The following PSMC3 variants were observed in gnomAD, a reference collection of about 807,000 sequenced individuals.
PSMC3 encodes the protein proteasome 26S subunit, ATPase 3.
Under a neutral mutation model 52.0 loss-of-function variants are expected in PSMC3, and 11 were observed. The observed-to-expected ratio is 0.21, with a 90% CI of 0.13 to 0.35. The LOEUF (loss-of-function observed/expected upper bound fraction) is 0.35. Among genes scored for constraint, PSMC3 ranks in the 10% least tolerant of loss-of-function variants. The probability of loss-of-function intolerance (pLI) is 1.00; values close to 1 mark genes in which losing one functional copy is unlikely to be tolerated. For missense variants in PSMC3, 238 were observed against 567.1 expected, an observed-to-expected ratio of 0.42 and a Z score of 5.89; for synonymous variants, 201 against 218.8, an observed-to-expected ratio of 0.92 and a Z score of 0.72.
intron 3 of PSMC3, 106 bp downstream of exon 3, chr11:47,425,015 G>C (rs2153304150): frequency 1.3e-6 from 2 of 1,498,526 alleles, no homozygotes; most frequent in Non-Finnish European, 1.8e-6. Flanking sequence ...GCTCTGACAT[G>C]CAGTTTGGCC....
chr11:47,419,691 C>T (rs924117818), intron 10 of PSMC3, among the ~76,000 whole-genome samples: 1 of 152,050 alleles, frequency 6.6e-6, no homozygotes, highest in Non-Finnish European at 1.5e-5. Flanking sequence ...AACCTCGTCT[C>T]TACTAAAAAT....
chr11:47,421,347 AC>A (rs2096040254), intron 8 of PSMC3, among the ~76,000 whole-genome samples: 2 of 151,958 alleles, frequency 1.3e-5, no homozygotes. Context: ...ACGCTTAAAA[AC>A]ACAGGTATCT....
Position 47,418,892 on chromosome 11 carries a change from C to T in PSMC3, c.1263G>A (p.Met421Ile), listed in dbSNP as rs1210231658. 1 of 1,614,214 alleles carries T rather than the reference C, an allele frequency of 6.2e-7. No homozygotes were observed. The highest frequency in any genetic ancestry group is 8.5e-7 in the Non-Finnish European group (1 of 1,180,022). The change falls in exon 12 of 12, where the codon ATG becomes ATA. Residue 421 changes from methionine to isoleucine, a missense_variant. Physicochemically the swap from Met to Ile is conservative, Grantham distance 10. Around this residue, in one of 6 missense-constraint regions of PSMC3, gnomAD observed 23 missense variants for 64.6 expected, o/e 0.36. Coordinates refer to ENST00000298852, the MANE Select transcript of PSMC3 (RefSeq NM_002804.5). ...GATELTHEDY[M>I]EGILEVQAKK... The stretch of plus-strand genomic sequence containing the variant: ...TGGCCTGCACCTCCAGGATGCCTTC[C>T]ATGTAGTCCTCGTGGGTGAGCTCCG...
chr11:47,423,184 G>A (rs1056462945), intron 6 of PSMC3, among the ~76,000 whole-genome samples: 21 of 152,086 alleles, frequency 1.4e-4, no homozygotes, highest in Non-Finnish European at 2.9e-4. Context: ...CGGATCACAA[G>A]GTCAGGAGAT....
chr11:47,423,895 CT>C lies in PSMC3; in HGVS notation c.591+150del, dbSNP rs980307588. The C allele has an allele frequency of 9.2e-6, 10 of 1,084,664 alleles. No homozygotes were observed. The African/African-American group carries it at 1.4e-4, about 15-fold the overall frequency. 67.2% of individuals were successfully genotyped at this position (1,084,664 alleles called of 1,614,324 possible). A position where few individuals can be genotyped will look rare whatever the true frequency, so the allele number is the denominator to read the frequency against. On this transcript the variant is annotated intron_variant, in intron 6 of 11. Coordinates refer to ENST00000298852, the MANE Select transcript of PSMC3 (RefSeq NM_002804.5). ...GGGCAAGGCATTTAAACTCTCTGGG[CT>C]TCAGTCTCCTCACCTGTCACATGGC... is the stretch of plus-strand genomic sequence containing the variant.
At chr11:47,423,015 G>T in intron 6 of PSMC3, 42 bp from the exon 7 acceptor site, 1 of 1,563,098 alleles carries the variant, frequency 6.4e-7, no homozygotes. Flanking sequence ...AAGCCCTGAG[G>T]GCTTCTACAG....
At chr11:47,420,768 T>C (rs1405463120) in intron 8 of PSMC3, 41 bp from the exon 9 acceptor site, 22 of 1,501,898 alleles carry the variant, frequency 1.5e-5, no homozygotes, top group Non-Finnish European at 1.8e-5. Context: ...AGGGCACAGC[T>C]TAGGCAGAGC....
At chr11:47,419,066 AG>A in intron 11 of PSMC3, 49 bp downstream of exon 11, 1 of 1,604,112 alleles carries the variant, frequency 6.2e-7, no homozygotes, top group Non-Finnish European at 8.5e-7. Flanking sequence ...CTGTCCAGGG[AG>A]GGGGCAAGAA....
At chr11:47,419,015 C>G in intron 11 of PSMC3, 70 bp from the exon 12 acceptor site, 1 of 1,603,860 alleles carries the variant, frequency 6.2e-7, no homozygotes, top group East Asian at 2.2e-5. Context: ...GAGGCTCAGG[C>G]CTCTTCCCTC....
In PSMC3 at chr11:47,425,181, CTCTTTTATCTTG is replaced by C; in HGVS notation, c.213_224del (p.Asp71_Lys74del). 6.2e-7 allele frequency: 1 copy of C among 1,614,134 alleles called. No homozygotes were observed. Among genetic ancestry groups the C allele is most frequent in the Non-Finnish European group, 8.5e-7 (1 of 1,179,994 alleles). ...TGTTCACTTTGATTTTCTCACTGTT[CTCTTTTATCTTG>C]TCCTTCATGGCTTGGAGCTCATGGG... On this transcript the variant is annotated inframe_deletion, in exon 3 of 12. Coordinates refer to ENST00000298852, the MANE Select transcript of PSMC3 (RefSeq NM_002804.5).
At chr11:47,420,817 G>A (rs917802608) in intron 8 of PSMC3, 90 bp from the exon 9 acceptor site, 26 of 1,172,962 alleles carry the variant, frequency 2.2e-5, no homozygotes, top group African/African-American at 1.7e-4. Flanking sequence ...AACCTAACCC[G>A]TCCAGGGCAG....
At chr11:47,421,249 CAAAAAA>C (rs56344837) in intron 8 of PSMC3, among the ~76,000 whole-genome samples, 117 of 61,406 alleles carry the variant, frequency 1.9e-3, no homozygotes, top group Middle Eastern at 0.038. Context: ...GACTCCATCT[CAAAAAA>C]AAAAAAAAAA....
In PSMC3 at chr11:47,419,610, A is replaced by G. The variant is rs2096037615; in HGVS notation, c.1128-413T>C. On this transcript the variant is annotated intron_variant, in intron 10 of 11. Coordinates refer to ENST00000298852, the MANE Select transcript of PSMC3 (RefSeq NM_002804.5). ...CGTGGTGGCTCATACCTATAATCCCAGCACTTTGGGAGGCCAAGGTGGGCG... is the reference window on the plus strand; with the variant it reads ...CGTGGTGGCTCATACCTATAATCCCGGCACTTTGGGAGGCCAAGGTGGGCG... Among the ~76,000 whole-genome samples the G allele has an allele frequency of 2.0e-5, 3 of 151,944 alleles. No homozygotes were observed. In the South Asian group the frequency reaches 6.2e-4, roughly 32 times the overall value.
intron 10 of PSMC3, among the ~76,000 whole-genome samples, chr11:47,419,678 T>C (rs2096037799): frequency 6.6e-6 from 1 of 151,912 alleles, no homozygotes; most frequent in Admixed American, 6.6e-5. Flanking sequence ...GCTAACAAGG[T>C]GAAACCTCGT....
chr11:47,424,455 C>T lies in PSMC3; in HGVS notation c.427G>A (p.Glu143Lys). Reference protein sequence around the residue: ...FLPVIGLVDAEKLKPGDLVGV... With the variant: ...FLPVIGLVDAKKLKPGDLVGV... ...ACCAGGTCTCCTGGCTTTAGCTTTT[C>T]AGCATCCACCAACCCAATCACAGGA... is the stretch of plus-strand genomic sequence containing the variant. Residue 143 changes from glutamate (E) to lysine (K), a missense_variant, in exon 5 of 12, where the codon GAA becomes AAA. By Grantham distance (56) the Glu-to-Lys change is moderately conservative. This residue lies in a region of PSMC3 where 60 missense variants were observed against 117.3 expected (regional missense o/e 0.51). Transcript: ENST00000298852. This position sits in a 1 kb window ranked among gnomAD's most constrained non-coding sequence, Gnocchi z 4.8. The T allele has an allele frequency of 6.2e-7, 1 of 1,614,216 alleles. No individual in the cohort carries two copies. The highest frequency in any genetic ancestry group is 1.1e-5 in the South Asian group (1 of 91,086).
At position 47,426,297 on chromosome 11, in the gene PSMC3, A is replaced by G; in HGVS notation, c.-18T>C. On this transcript the variant is annotated 5_prime_UTR_variant, in exon 1 of 12. Transcript: ENST00000298852. ...AGATTCATTTCCTGGAGGAGCGGGCAGAAGATGGGACCAGGCGGGAGCCGC... is the reference window on the plus strand; with the variant it reads ...AGATTCATTTCCTGGAGGAGCGGGCGGAAGATGGGACCAGGCGGGAGCCGC... 3 of 1,548,018 alleles carry G rather than the reference A, an allele frequency of 1.9e-6. No individual in the cohort carries two copies. The highest frequency in any genetic ancestry group is 1.7e-6 in the Non-Finnish European group (2 of 1,144,338).
At position 47,422,654 on chromosome 11, in the gene PSMC3, G is replaced by T. The variant is rs766492600; in HGVS notation, c.804C>A (p.Val268=). 6.2e-7 allele frequency: 1 copy of T among 1,614,152 alleles called. No homozygotes were observed. The highest frequency in any genetic ancestry group is 1.7e-5 in the Admixed American group (1 of 60,022). Residue 268 remains valine, a synonymous_variant, in exon 8 of 12, where the codon GTC becomes GTA. Transcript: ENST00000298852. This position sits in a 1 kb window ranked among gnomAD's most constrained non-coding sequence, Gnocchi z 4.3. ...QMFIGDGAKL[V]RDAFALAKEK... is the part of the protein sequence containing the mutation. ...CCTTGGCCAGGGCAAAGGCATCCCGGACTAGCTTGGCACCATCTCCAATGA... is the reference window on the plus strand; with the variant it reads ...CCTTGGCCAGGGCAAAGGCATCCCGTACTAGCTTGGCACCATCTCCAATGA...
chr11:47,426,362 GACCAGTGGAAA>G lies in PSMC3; in HGVS notation c.-94_-84del, dbSNP rs1170434941. 4.7e-6 allele frequency: 6 copies of G among 1,284,844 alleles called. No individual in the cohort carries two copies. The highest frequency in any genetic ancestry group is 6.4e-6 in the Non-Finnish European group (6 of 934,804). The allele number at this position is 1,284,844 out of a possible 1,614,324, so 79.6% of individuals were successfully genotyped here. ...ACCGTCTTTCTTAAAGCCTTCTCTT[GACCAGTGGAAA>G]ACCTCTCCCCACAAATCCCGACTCT... On this transcript the variant is annotated 5_prime_UTR_variant, in exon 1 of 12. Transcript: ENST00000298852.
intron 2 of PSMC3, 54 bp downstream of exon 2, chr11:47,425,813 G>T: frequency 1.3e-6 from 2 of 1,508,254 alleles, no homozygotes; most frequent in South Asian, 1.2e-5. Context: ...GACTCGGATC[G>T]CCGGGGCCTG....
Sources: gnomAD v4.1 joint callset for allele counts (sites outside exome capture counted in the v4.1 genomes callset) on GRCh38, gnomAD v4.1.1 for gene constraint, gnomAD v4.1.1 regional missense constraint, Gnocchi (gnomAD v3.1) non-coding constraint, MANE v1.5 for transcripts, NCBI Gene and HGNC (gene_info 2026-07-23, HGNC 2026-07-21) for gene names.